The following CGGBP1 variants were observed in gnomAD, a reference collection of about 807,000 sequenced individuals.
The protein encoded by CGGBP1 is CGG triplet repeat-binding protein 1.
Under a neutral mutation model 11.4 loss-of-function variants are expected in CGGBP1, and 4 were observed. The observed-to-expected ratio is 0.35, with a 90% CI of 0.17 to 0.80. The LOEUF is 0.80. Among genes scored for constraint, CGGBP1 ranks in the 30% least tolerant of loss-of-function variants. CGGBP1 has a pLI of 0.52. For missense variants in CGGBP1, 135 were observed against 202.1 expected (o/e 0.67, Z 2.01); for synonymous variants, 76 against 74.1 (o/e 1.03, Z -0.13).
intron 2 of CGGBP1, among the ~76,000 whole-genome samples, chr3:88,092,275 C>G (rs544477522): frequency 6.6e-6 from 1 of 152,180 alleles, no homozygotes; most frequent in East Asian, 1.9e-4. Flanking sequence ...GTCATTTATT[C>G]TGTAAAGCTC....
intron 2 of CGGBP1, among the ~76,000 whole-genome samples, chr3:88,074,645 TCTTA>T (rs1265379212): frequency 2.6e-5 from 4 of 152,154 alleles, no homozygotes; most frequent in Non-Finnish European, 5.9e-5. Context: ...CCGGCCTGTG[TCTTA>T]CTTTCTTAAG....
At chr3:88,132,030 A>G (rs190288636) in intron 2 of CGGBP1, among the ~76,000 whole-genome samples, 2 of 152,174 alleles carry the variant, frequency 1.3e-5, no homozygotes, top group Non-Finnish European at 1.5e-5. Context: ...ATAGCTGCAA[A>G]TGTTTGCTGA....
At chr3:88,132,739 A>G (rs983606194) in intron 2 of CGGBP1, among the ~76,000 whole-genome samples, 26 of 152,324 alleles carry the variant, frequency 1.7e-4, no homozygotes, top group Admixed American at 8.5e-4. Context: ...AGGTGTTTCA[A>G]TTATCTCTCT....
At chr3:88,124,035 T>G (rs1240665493) in intron 2 of CGGBP1, among the ~76,000 whole-genome samples, 1 of 152,200 alleles carries the variant, frequency 6.6e-6, no homozygotes, top group African/African-American at 2.4e-5. Flanking sequence ...CCATATTTAA[T>G]GAATGCTTTA....
intron 2 of CGGBP1, among the ~76,000 whole-genome samples, chr3:88,137,637 C>G (rs759281637): frequency 2.0e-4 from 31 of 151,926 alleles, no homozygotes; most frequent in South Asian, 4.2e-4. Flanking sequence ...TTTAACTGTA[C>G]CTCAGGGCAG....
At chr3:88,072,985 A>G (rs551375751) in intron 2 of CGGBP1, among the ~76,000 whole-genome samples, 1 of 152,320 alleles carries the variant, frequency 6.6e-6, no homozygotes, top group South Asian at 2.1e-4. Context: ...TAGTTTTAAA[A>G]TGTAGGCATG....
At chr3:88,109,004 G>T (rs187120177) in intron 2 of CGGBP1, among the ~76,000 whole-genome samples, 9 of 152,184 alleles carry the variant, frequency 5.9e-5, no homozygotes, top group Admixed American at 5.9e-4. Context: ...TGGAAAAGGC[G>T]TTACATTTGT....
At chr3:88,067,746 G>A (rs1689615004) in intron 2 of CGGBP1, among the ~76,000 whole-genome samples, 2 of 152,190 alleles carry the variant, frequency 1.3e-5, no homozygotes, top group Admixed American at 1.3e-4. Context: ...GTAGTGATGG[G>A]ATCAGTAGTC....
At chr3:88,070,555 C>A in intron 2 of CGGBP1, among the ~76,000 whole-genome samples, 1 of 136,312 alleles carries the variant, frequency 7.3e-6, no homozygotes, top group Non-Finnish European at 1.5e-5. Flanking sequence ...GCAAAGGCAA[C>A]ACTGCCTGTT....
chr3:88,137,630 A>G (rs1559734908), intron 2 of CGGBP1, among the ~76,000 whole-genome samples: 1 of 152,184 alleles, frequency 6.6e-6, no homozygotes, highest in Non-Finnish European at 1.5e-5. Context: ...GGGGAATTTT[A>G]ACTGTACCTC....
intron 1 of CGGBP1, among the ~76,000 whole-genome samples, chr3:88,147,755 G>C (rs966096799): frequency 5.3e-5 from 8 of 152,142 alleles, no homozygotes; most frequent in African/African-American, 1.7e-4. Context: ...TACATCCATG[G>C]CTCTTAATTG....
chr3:88,102,673 A>T (rs6551270), intron 2 of CGGBP1, among the ~76,000 whole-genome samples: 142,980 of 152,198 alleles, frequency 0.94, 67,706 homozygotes, highest in Non-Finnish European at 1. Context: ...AGTGGTGCAC[A>T]GAAGGTCATG....
At chr3:88,098,985 G>A (rs1337533087) in intron 2 of CGGBP1, among the ~76,000 whole-genome samples, 3 of 152,118 alleles carry the variant, frequency 2.0e-5, no homozygotes, top group Admixed American at 6.6e-5. Flanking sequence ...TTCTGGCCGG[G>A]GCAATCAGGC....
chr3:88,136,791 C>A (rs1706811900), intron 2 of CGGBP1, among the ~76,000 whole-genome samples: 1 of 152,094 alleles, frequency 6.6e-6, no homozygotes, highest in African/African-American at 2.4e-5. Context: ...TCATAAATAT[C>A]CTGGAACCAT....
At chr3:88,124,606 A>G (rs55932154) in intron 2 of CGGBP1, among the ~76,000 whole-genome samples, 10,279 of 152,290 alleles carry the variant, frequency 0.067, 480 homozygotes, top group Non-Finnish European at 0.1. Flanking sequence ...GCCACTTTGA[A>G]TATGTAGCCT....
chr3:88,097,689 C>A (rs1384522981), intron 2 of CGGBP1, among the ~76,000 whole-genome samples: 1 of 152,088 alleles, frequency 6.6e-6, no homozygotes, highest in Non-Finnish European at 1.5e-5. Flanking sequence ...CACTCAAAAC[C>A]GCTCAACTAC....
At chr3:88,127,320 C>A (rs952500222) in intron 2 of CGGBP1, among the ~76,000 whole-genome samples, 1 of 151,906 alleles carries the variant, frequency 6.6e-6, no homozygotes, top group African/African-American at 2.4e-5. Flanking sequence ...GGAGGAGGAG[C>A]TGTGAAGGGA....
chr3:88,111,714 G>A (rs1158177923), intron 2 of CGGBP1, among the ~76,000 whole-genome samples: 1 of 151,856 alleles, frequency 6.6e-6, no homozygotes, highest in East Asian at 1.9e-4. Flanking sequence ...TCTATAAGTA[G>A]AACTGCTAGG....
Position 88,117,539 on chromosome 3 carries a change from G to C in CGGBP1, c.-229+23431C>G, listed in dbSNP as rs576537897. Among the ~76,000 whole-genome samples the C allele has an allele frequency of 2.6e-4, 40 of 152,206 alleles. No individual in the cohort carries two copies. In the Middle Eastern group the frequency reaches 0.01, roughly 39 times the overall value. On this transcript the variant is annotated intron_variant, in intron 2 of 3. Coordinates refer to the CGGBP1 transcript ENST00000462901. ...GGTCTTTTATCAGGACAACAAAGTAGTATGCCAGGTGATCAAAATAAAGAA... is the reference window on the plus strand; with the variant it reads ...GGTCTTTTATCAGGACAACAAAGTACTATGCCAGGTGATCAAAATAAAGAA...
Sources: gnomAD v4.1 joint callset for allele counts (sites outside exome capture counted in the v4.1 genomes callset) on GRCh38, gnomAD v4.1.1 for gene constraint, MANE v1.5 for transcripts, NCBI Gene and HGNC (gene_info 2026-07-23, HGNC 2026-07-21) for gene names.